Variants in WDR90 observed in about 807,000 individuals in gnomAD.
WDR90 encodes the protein WD repeat-containing protein 90.
In WDR90, 238 loss-of-function variants were observed where a neutral mutation model predicts 195.2. The observed-to-expected ratio is 1.22, with a 90% CI of 1.10 to 1.36. WDR90 has a LOEUF of 1.36. Ranked by LOEUF, WDR90 falls within the 40% of genes most tolerant of loss-of-function variation. The probability of loss-of-function intolerance (pLI) is 0.00; values close to 1 mark genes in which losing one functional copy is unlikely to be tolerated. For synonymous variants in WDR90, 1,265 were observed against 1,052.4 expected, an observed-to-expected ratio of 1.20 and a Z score of -3.91; for missense variants, 2,734 against 2,439.5, an observed-to-expected ratio of 1.12 and a Z score of -2.54.
chr16:666,401 C>G (rs1423384199), intron 37 of WDR90, 51 bp downstream of exon 37: 1 of 1,609,464 alleles, frequency 6.2e-7, no homozygotes, highest in Admixed American at 1.7e-5. Flanking sequence ...CTGGTGGGGG[C>G]AGGCACCATC....
rs181856803 is a variant in WDR90, at chr16:666,912, A to T, written c.5012A>T (p.Glu1671Val). The change falls in exon 40 of 41, where the codon GAG (glutamate) becomes GTG (valine). Residue 1671 changes from glutamate to valine, a missense_variant. Glu to Val is a moderately radical substitution (Grantham distance 121, BLOSUM62 -2). Coordinates refer to ENST00000293879, the MANE Select transcript of WDR90 (RefSeq NM_145294.5). ...CACGCTGGCTGCTCACAGGTGGTGG[A>T]GAAGATACCACTGCCCTTTTTTGCC... is the stretch of plus-strand genomic sequence containing the variant. ...IYNLCQKQVV[E>V]KIPLPFFAMS... The T allele has an allele frequency of 3.1e-6, 5 of 1,612,766 alleles. No individual in the cohort carries two copies. The highest frequency in any genetic ancestry group is 1.7e-5 in the Admixed American group (1 of 59,992).
rs2037738925 is a variant in WDR90 at position 655,787 on chromosome 16, A to G, written c.1864A>G (p.Ile622Val). Reference sequence around the variant, plus strand: ...CCTGCCCCCAGGCCCCGGCATTGCCATCAGCAGCCTCAGCGTCTCCCCGGC... The same window carrying G: ...CCTGCCCCCAGGCCCCGGCATTGCCGTCAGCAGCCTCAGCGTCTCCCCGGC... ...QTFSSGPGIA[I>V]SSLSVSPAMC... The change falls in exon 17 of 41, where the codon ATC becomes GTC. Residue 622 changes from isoleucine to valine, a missense_variant. By Grantham distance (29) the Ile-to-Val change is conservative (BLOSUM62 3). Transcript: ENST00000293879. The G allele has an allele frequency of 6.3e-7, 1 of 1,590,030 alleles. No individual in the cohort carries two copies. Among genetic ancestry groups the G allele is most frequent in the African/African-American group, 1.3e-5 (1 of 74,578 alleles).
Position 658,613 on chromosome 16 carries a change from A to G in WDR90, c.2855A>G (p.Lys952Arg), listed in dbSNP as rs2037815348. The G allele has an allele frequency of 3.7e-6, 6 of 1,612,656 alleles. No individual in the cohort carries two copies. Among genetic ancestry groups the G allele is most frequent in the Non-Finnish European group, 5.1e-6 (6 of 1,179,890 alleles). The change falls in exon 23 of 41, where the codon AAG becomes AGG. Residue 952 changes from lysine to arginine, a missense_variant. Coordinates refer to ENST00000293879, the MANE Select transcript of WDR90 (RefSeq NM_145294.5). ...FLLIAAGRTI[K>R]VWDYATQASP... The stretch of plus-strand genomic sequence containing the variant: ...CTGATTGCCGCCGGCCGGACCATCA[A>G]GGTGTGGGACTACGCCACACAGGCC...
Position 658,330 on chromosome 16 carries a change from C to T in WDR90, c.2752C>T (p.Arg918Cys), listed in dbSNP as rs766480010. 62 of 1,612,272 alleles carry T rather than the reference C, an allele frequency of 3.8e-5. No homozygotes were observed. Among genetic ancestry groups the T allele is most frequent in the Admixed American group, 3.7e-4 (22 of 59,992 alleles). ...RVVVLDAVSG[R>C]IIRELPGVHP... ...CGTGGTGCTGGATGCTGTGTCGGGC[C>T]GCATCATCCGGGAGGTGAGCCTCAG... Residue 918 changes from arginine to cysteine, a missense_variant, in exon 22 of 41, where the codon CGC becomes TGC. Transcript: ENST00000293879.
At position 666,465 on chromosome 16, in the gene WDR90, T is replaced by C; in HGVS notation, c.4751T>C (p.Leu1584Ser). ...ICVTCKECED[L>S]GVEGTDLWLA... The stretch of plus-strand genomic sequence containing the variant: ...CCACTCCATTCCCAGTGTGAAGACT[T>C]AGGGGTGGAGGGCACAGACCTATGG... The change falls in exon 38 of 41, where the codon TTA (leucine) becomes TCA (serine). Residue 1584 changes from leucine to serine, a missense_variant. By Grantham distance (145) the Leu-to-Ser change is moderately radical (BLOSUM62 -2). Coordinates refer to ENST00000293879, the MANE Select transcript of WDR90 (RefSeq NM_145294.5). The C allele has an allele frequency of 1.2e-6, 2 of 1,612,176 alleles. No individual in the cohort carries two copies. The highest frequency in any genetic ancestry group is 2.2e-5 in the East Asian group (1 of 44,864).
chr16:651,494 A>T, intron 7 of WDR90, 150 bp from the exon 8 acceptor site: 1 of 978,864 alleles, frequency 1.0e-6, no homozygotes, highest in African/African-American at 1.6e-5. Context: ...GGAGACTTTC[A>T]GGGCCTAGGG....
chr16:661,564 G>C lies in WDR90; in HGVS notation c.3674-33G>C, dbSNP rs115320558. 7,646 of 1,580,082 alleles carry C rather than the reference G, an allele frequency of 4.8e-3. 323 individuals carry two copies. In the African/African-American group the frequency reaches 0.089, roughly 18 times the overall value. ...AGACCCCGGGGGGGGCTGCATCTGT[G>C]CACCTGACGTGGCTGCTCTGTGTCC... On this transcript the variant is annotated intron_variant, in intron 30 of 40. Coordinates refer to ENST00000293879, the MANE Select transcript of WDR90 (RefSeq NM_145294.5).
chr16:660,572 A>C, intron 27 of WDR90, 40 bp from the exon 28 acceptor site: 5 of 1,542,072 alleles, frequency 3.2e-6, no homozygotes, highest in Non-Finnish European at 4.4e-6. Flanking sequence ...ACAGGTGGCC[A>C]TGCTGGGCCC....
chr16:658,151 CCTGA>C (rs764217844), intron 21 of WDR90, 28 bp from the exon 22 acceptor site: 32 of 1,592,858 alleles, frequency 2.0e-5, no homozygotes, highest in African/African-American at 2.7e-5. Context: ...GCCCAGGGGC[CCTGA>C]CTGTCGGCCA....
chr16:660,890 C>T (rs2037883052), intron 28 of WDR90, 161 bp from the exon 29 acceptor site: 1 of 861,830 alleles, frequency 1.2e-6, no homozygotes, highest in Non-Finnish European at 1.6e-6. Flanking sequence ...AGCACTTTGG[C>T]TACTGGACGC....
intron 26 of WDR90, among the ~76,000 whole-genome samples, chr16:659,729 A>AGACGGGGCCTGGGCTGCG (rs1450198830): frequency 1.3e-5 from 2 of 152,152 alleles, no homozygotes; most frequent in Admixed American, 6.5e-5. Flanking sequence ...GCAGGGCTGG[A>AGACGGGGCCTGGGCTGCG]GACGGGGCCT....
intron 37 of WDR90, 44 bp from the exon 38 acceptor site, chr16:666,411 C>T (rs1420576817): frequency 1.4e-5 from 23 of 1,608,890 alleles, no homozygotes; most frequent in Non-Finnish European, 2.0e-5. Context: ...CAGGCACCAT[C>T]TTGGCAGAAG....
In WDR90 at chr16:666,361, C is replaced by T. The variant is rs1054564036; in HGVS notation, c.4740+11C>T. On this transcript the variant is annotated intron_variant, in intron 37 of 40. Coordinates refer to ENST00000293879, the MANE Select transcript of WDR90 (RefSeq NM_145294.5). ...GTCACGTGCAAAGAGGTAAAGCAGC[C>T]CCAAGAGCTGGGGAGAGGGGGCCTG... The T allele has an allele frequency of 6.2e-7, 1 of 1,612,380 alleles. No individual in the cohort carries two copies.
intron 34 of WDR90, chr16:665,171 G>A (rs548568328): frequency 1.5e-4 from 36 of 246,972 alleles, no homozygotes; most frequent in Admixed American, 1.0e-3. Flanking sequence ...AGCGTGCAGC[G>A]GTTTTGGGAG....
In WDR90 at chr16:659,386, A is replaced by G; in HGVS notation, c.3184+10A>G. The G allele has an allele frequency of 6.3e-7, 1 of 1,589,056 alleles. No individual in the cohort carries two copies. On this transcript the variant is annotated intron_variant, in intron 26 of 40. Transcript: ENST00000293879. ...CCCGAAGGTGGCGATGGTGAGCAGC[A>G]GGGGTCCTGGAGGAGTGGGGGGATT...
chr16:660,740 C>T (rs1420575350), intron 28 of WDR90, 26 bp downstream of exon 28: 2 of 1,532,574 alleles, frequency 1.3e-6, no homozygotes, highest in South Asian at 1.2e-5. Context: ...CTACCCCCAC[C>T]CCCAGCCAAG....
At position 666,715 on chromosome 16, in the gene WDR90, T is replaced by C. The variant is rs758523377; in HGVS notation, c.4927T>C (p.Trp1643Arg). 3.1e-6 allele frequency: 5 copies of C among 1,612,570 alleles called. No individual in the cohort carries two copies. The highest frequency in any genetic ancestry group is 4.2e-6 in the Non-Finnish European group (5 of 1,179,938). Residue 1643 changes from tryptophan (W) to arginine (R), a missense_variant, in exon 39 of 41, where the codon TGG (tryptophan) becomes CGG (arginine). By Grantham distance (101) the Trp-to-Arg change is moderately radical. Coordinates refer to ENST00000293879, the MANE Select transcript of WDR90 (RefSeq NM_145294.5). Reference protein sequence around the residue: ...LPPSLAAFCPWDGALLMYVGP... With the variant: ...LPPSLAAFCPRDGALLMYVGP... ...ACCCTCCCTCGCTGCCTTCTGCCCT[T>C]GGGATGGGGCGCTCCTGATGTACGT... is the stretch of plus-strand genomic sequence containing the variant.
chr16:649,151 C>A (rs899384837), upstream of WDR90: 5 of 383,642 alleles, frequency 1.3e-5, 1 homozygote, highest in South Asian at 6.8e-4. Context: ...CCGGCGCGGG[C>A]TTCGAAGCCG....
At chr16:652,393 G>A in intron 9 of WDR90, 74 bp from the exon 10 acceptor site, 4 of 1,511,648 alleles carry the variant, frequency 2.6e-6, no homozygotes, top group Non-Finnish European at 3.6e-6. Context: ...GGGGTTGGCG[G>A]GGCTCGGAGT....
Sources: gnomAD v4.1 joint callset for allele counts (sites outside exome capture counted in the v4.1 genomes callset) on GRCh38, gnomAD v4.1.1 for gene constraint, MANE v1.5 for transcripts, NCBI Gene and HGNC (gene_info 2026-07-23, HGNC 2026-07-21) for gene names.